The following C12orf76 variants were observed in gnomAD, a reference collection of about 807,000 sequenced individuals.
The protein encoded by C12orf76 is chromosome 12 open reading frame 76.
In C12orf76, 6 loss-of-function variants were observed where a neutral mutation model predicts 6.8. The ratio of observed to expected loss-of-function variants is 0.88; its 90% CI spans 0.48 to 1.73. The LOEUF is 1.73. Among genes scored for constraint, C12orf76 ranks in the 40% most tolerant of loss-of-function variants. The pLI is 0.01. For synonymous variants in C12orf76, 56 were observed against 43.7 expected, an observed-to-expected ratio of 1.28 and a Z score of -1.11; for missense variants, 99 against 98.2, an observed-to-expected ratio of 1.01 and a Z score of -0.03.
upstream of C12orf76, chr12:110,050,814 A>C: frequency 1.7e-6 from 1 of 591,662 alleles, no homozygotes; most frequent in South Asian, 2.0e-5. Context: ...TTCACTTTGC[A>C]CTGTGGACTT....
At chr12:110,062,743 C>A (rs1892792960) in intron 2 of C12orf76, among the ~76,000 whole-genome samples, 1 of 151,032 alleles carries the variant, frequency 6.6e-6, no homozygotes, top group Non-Finnish European at 1.5e-5. Context: ...CCTCAGCCTC[C>A]CCAGTAGCTG....
chr12:110,057,008 C>G (rs1331018733), intron 4 of C12orf76: 2 of 598,682 alleles, frequency 3.3e-6, no homozygotes, highest in African/African-American at 1.9e-5. Context: ...ACAGGCAAGT[C>G]TGGATGAGGA....
chr12:110,068,316 GAAGAAGAAGAA>G (rs1892915101), upstream of C12orf76, among the ~76,000 whole-genome samples: 2 of 144,674 alleles, frequency 1.4e-5, no homozygotes, highest in Admixed American at 1.4e-4. Flanking sequence ...AGAAGAAGAA[GAAGAAGAAGAA>G]GAAGGCGGCC....
chr12:110,042,574 G>A (rs769221140), intron 1 of C12orf76, 115 bp from the exon 2 acceptor site: 31 of 734,454 alleles, frequency 4.2e-5, no homozygotes, highest in Non-Finnish European at 7.0e-5. Flanking sequence ...GTCAAGTGCT[G>A]TGCAAACAGC....
chr12:110,066,299 G>T (rs1213178541), intron 1 of C12orf76, among the ~76,000 whole-genome samples: 2 of 147,240 alleles, frequency 1.4e-5, no homozygotes, highest in Non-Finnish European at 3.0e-5. Context: ...AATCCAGGGG[G>T]CAGGGGTTGC....
At chr12:110,073,499 T>C (rs1892986120) in exon 1 of C12orf76, 7 of 522,030 alleles carry the variant, frequency 1.3e-5, no homozygotes, top group Non-Finnish European at 2.7e-5. Context: ...CGACTTTGTT[T>C]GTCTCATACA....
At chr12:110,073,328 T>C (rs1892983552) in intron 1 of C12orf76, 1 of 465,876 alleles carries the variant, frequency 2.1e-6, no homozygotes, top group African/African-American at 2.0e-5. Context: ...GAAAACCATG[T>C]GAGATTCAGA....
chr12:110,068,257 A>AGG (rs1892904596), upstream of C12orf76, among the ~76,000 whole-genome samples: 2 of 64,382 alleles, frequency 3.1e-5, no homozygotes, highest in Non-Finnish European at 6.7e-5. Context: ...AAAGAAGAAG[A>AGG]AGAAGAAGAA....
exon 4 of C12orf76, chr12:110,057,294 C>T (rs751621623): frequency 7.5e-6 from 12 of 1,607,964 alleles, no homozygotes; most frequent in Non-Finnish European, 9.4e-6. Flanking sequence ...CCCCTTACAG[C>T]TCCTAAGGTT....
upstream of C12orf76, among the ~76,000 whole-genome samples, chr12:110,068,900 C>G (rs981641774): frequency 6.6e-6 from 1 of 152,190 alleles, no homozygotes; most frequent in Non-Finnish European, 1.5e-5. Flanking sequence ...CATTGGTATA[C>G]CCGCTACACA....
chr12:110,065,917 T>C lies in C12orf76; in HGVS notation n.323A>G, dbSNP rs375473540. The stretch of plus-strand genomic sequence containing the variant: ...TCTTTTGTGCTTCCAGATCTTTGCA[T>C]TTACTGTTCTCTTGGTCCCGTGTAT... On this transcript the variant is annotated non_coding_transcript_exon_variant, in exon 2 of 5. Coordinates refer to the C12orf76 transcript ENST00000309050. 6.2e-6 allele frequency: 10 copies of C among 1,613,930 alleles called. No individual in the cohort carries two copies. The African/African-American group carries it at 1.3e-4, about 22-fold the overall frequency.
upstream of C12orf76, chr12:110,048,854 A>C: frequency 5.4e-6 from 1 of 186,520 alleles, no homozygotes. Flanking sequence ...TTTTCTTATT[A>C]AACCTTCATT....
intron 1 of C12orf76, among the ~76,000 whole-genome samples, chr12:110,045,414 C>T (rs149090675): frequency 0.022 from 3,314 of 151,836 alleles, 113 homozygotes; most frequent in African/African-American, 0.076. Flanking sequence ...GGTGAAACCC[C>T]GTCTCTACTA....
At chr12:110,051,744 A>G (rs1392272890), upstream of C12orf76, among the ~76,000 whole-genome samples, 1 of 151,250 alleles carries the variant, frequency 6.6e-6, no homozygotes, top group Non-Finnish European at 1.5e-5. Context: ...ATTCTTTAAC[A>G]TTGCCTAACA....
At chr12:110,067,671 C>A in exon 1 of C12orf76, 1 of 663,404 alleles carries the variant, frequency 1.5e-6, no homozygotes, top group Non-Finnish European at 1.9e-6. Context: ...CCACTGCACC[C>A]GGCCGGCTCA....
chr12:110,065,293 C>T (rs988101886), intron 2 of C12orf76, among the ~76,000 whole-genome samples: 4 of 151,838 alleles, frequency 2.6e-5, no homozygotes, highest in Non-Finnish European at 5.9e-5. Flanking sequence ...GCCTCAGCCT[C>T]CCGAGTAGCT....
At chr12:110,061,667 G>A (rs138703429) in intron 2 of C12orf76, among the ~76,000 whole-genome samples, 2,229 of 152,036 alleles carry the variant, frequency 0.015, 61 homozygotes, top group African/African-American at 0.052. Flanking sequence ...CTCCTGAGTA[G>A]CTGGGATTAC....
In C12orf76 at chr12:110,048,520, G is replaced by A. The variant is rs780591735; in HGVS notation, c.-25C>T. The A allele has an allele frequency of 1.4e-6, 2 of 1,394,628 alleles. No homozygotes were observed. The highest frequency in any genetic ancestry group is 1.9e-6 in the Non-Finnish European group (2 of 1,075,564). The allele number at this position is 1,394,628 out of a possible 1,614,324, so 86.4% of individuals were successfully genotyped here. A position where few individuals can be genotyped will look rare whatever the true frequency, so the allele number is the denominator to read the frequency against. On this transcript the variant is annotated 5_prime_UTR_variant, in exon 1 of 2. Transcript: ENST00000615315. ...TCTTCCCCAGCCCTGCAGAAGCAGA[G>A]AGGCCACTTCCGTCGCAAGCCCTGC...
upstream of C12orf76, among the ~76,000 whole-genome samples, chr12:110,071,508 C>T (rs973629664): frequency 6.6e-6 from 1 of 152,006 alleles, no homozygotes; most frequent in Non-Finnish European, 1.5e-5. Context: ...GCTCCTCATG[C>T]CTTTTTTTTT....
Sources: gnomAD v4.1 joint callset for allele counts (sites outside exome capture counted in the v4.1 genomes callset) on GRCh38, gnomAD v4.1.1 for gene constraint, MANE v1.5 for transcripts, NCBI Gene and HGNC (gene_info 2026-07-23, HGNC 2026-07-21) for gene names.